The following KCNJ16 variants were observed in gnomAD, a reference collection of about 807,000 sequenced individuals.
The protein encoded by KCNJ16 is potassium inwardly rectifying channel subfamily J member 16.
KCNJ16 carries 15 observed loss-of-function variants against 18.5 expected under a neutral mutation model. The ratio of observed to expected loss-of-function variants is 0.81; its 90% confidence interval spans 0.54 to 1.25. The LOEUF is 1.25. Among genes scored for constraint, KCNJ16 ranks in the 50% most tolerant of loss-of-function variants. The probability of loss-of-function intolerance (pLI) is 0.00; values close to 1 mark genes in which losing one functional copy is unlikely to be tolerated. For synonymous variants in KCNJ16, 174 were observed against 186.5 expected (o/e 0.93, Z 0.55); for missense variants, 523 against 525.7 (o/e 0.99, Z 0.05).
chr17:70,085,860 C>T (rs76563380), intron 1 of KCNJ16, among the ~76,000 whole-genome samples: 6,554 of 152,034 alleles, frequency 0.043, 122 homozygotes, highest in Middle Eastern at 0.061. Context: ...CCCTCAAAAT[C>T]AATAAATACA....
intron 1 of KCNJ16, among the ~76,000 whole-genome samples, chr17:70,080,691 A>G (rs928528532): frequency 2.0e-5 from 3 of 152,200 alleles, no homozygotes; most frequent in Non-Finnish European, 4.4e-5. Flanking sequence ...GCTCTGCCCC[A>G]GAAAAATATC....
intron 2 of KCNJ16, among the ~76,000 whole-genome samples, chr17:70,126,362 C>G (rs945846711): frequency 6.6e-6 from 1 of 152,168 alleles, no homozygotes; most frequent in African/African-American, 2.4e-5. Flanking sequence ...CCCAGCAGGT[C>G]TGAGCTTCAT....
chr17:70,091,277 T>C (rs939178635), intron 1 of KCNJ16, among the ~76,000 whole-genome samples: 1 of 152,164 alleles, frequency 6.6e-6, no homozygotes, highest in Non-Finnish European at 1.5e-5. Flanking sequence ...TAAAATAAAA[T>C]TGAAGTCAAA....
intron 1 of KCNJ16, among the ~76,000 whole-genome samples, chr17:70,080,208 T>C (rs887024527): frequency 6.6e-6 from 1 of 152,208 alleles, no homozygotes; most frequent in Non-Finnish European, 1.5e-5. Context: ...CATGTTTTCA[T>C]GTAGTTCATA....
At chr17:70,088,173 C>T (rs944664820) in intron 1 of KCNJ16, among the ~76,000 whole-genome samples, 2 of 152,118 alleles carry the variant, frequency 1.3e-5, no homozygotes, top group African/African-American at 4.8e-5. Context: ...CGGTTTCCAA[C>T]CCTTTTGGCA....
intron 1 of KCNJ16, among the ~76,000 whole-genome samples, chr17:70,076,820 T>C (rs979588585): frequency 6.6e-6 from 1 of 152,126 alleles, no homozygotes; most frequent in African/African-American, 2.4e-5. Flanking sequence ...TAAAGGGCAT[T>C]GAAAGTAAAT....
chr17:70,124,898 T>TGTGTGTGTGTG (rs2073797302), intron 2 of KCNJ16, among the ~76,000 whole-genome samples: 6 of 151,214 alleles, frequency 4.0e-5, no homozygotes, highest in African/African-American at 1.5e-4. Flanking sequence ...GGGTGTGTGT[T>TGTGTGTGTGTG]TGTGTGTGTG....
At chr17:70,111,591 C>G (rs1304779884) in intron 2 of KCNJ16, among the ~76,000 whole-genome samples, 2 of 152,038 alleles carry the variant, frequency 1.3e-5, no homozygotes, top group East Asian at 3.9e-4. Flanking sequence ...GGTACATATG[C>G]TCGCAGACAG....
intron 2 of KCNJ16, among the ~76,000 whole-genome samples, chr17:70,102,898 G>A (rs1332754450): frequency 6.6e-6 from 1 of 151,952 alleles, no homozygotes; most frequent in Admixed American, 6.6e-5. Flanking sequence ...CTGACTGATT[G>A]TTAATATCTA....
chr17:70,111,466 C>T (rs543286464), intron 2 of KCNJ16, among the ~76,000 whole-genome samples: 10 of 152,204 alleles, frequency 6.6e-5, no homozygotes, highest in Admixed American at 3.3e-4. Context: ...TTGTACCACG[C>T]TGAATACTTG....
intron 2 of KCNJ16, among the ~76,000 whole-genome samples, chr17:70,116,430 A>G (rs185008892): frequency 6.6e-6 from 1 of 152,304 alleles, no homozygotes; most frequent in Admixed American, 6.5e-5. Context: ...ATTTCTTTAG[A>G]AAAAAATTGC....
At chr17:70,077,925 C>T (rs752407727) in intron 1 of KCNJ16, among the ~76,000 whole-genome samples, 1 of 152,118 alleles carries the variant, frequency 6.6e-6, no homozygotes, top group East Asian at 1.9e-4. Context: ...CTTTCCTATA[C>T]AAAGACAGTT....
Position 70,132,809 on chromosome 17 carries a change from T to C in KCNJ16, c.722T>C (p.Val241Ala), listed in dbSNP as rs2074107286. Residue 241 changes from valine to alanine, a missense_variant, in exon 4 of 4, where the codon GTC becomes GCC. Physicochemically the swap from Val to Ala is moderately conservative, Grantham distance 64 (BLOSUM62 0). Coordinates refer to ENST00000392671, the MANE Select transcript of KCNJ16 (RefSeq NM_170741.4). The stretch of plus-strand genomic sequence containing the variant: ...ATGGCATTTAAAGACCTCAAATTAG[T>C]CAACGACCAAATCATCCTGGTCACC... ...MTMAFKDLKL[V>A]NDQIILVTPV... is the part of the protein sequence containing the mutation. 3 of 1,613,928 alleles carry C rather than the reference T, an allele frequency of 1.9e-6. No individual in the cohort carries two copies. The highest frequency in any genetic ancestry group is 2.5e-6 in the Non-Finnish European group (3 of 1,180,030).
At chr17:70,077,466 C>A (rs2071363437) in intron 1 of KCNJ16, among the ~76,000 whole-genome samples, 1 of 152,132 alleles carries the variant, frequency 6.6e-6, no homozygotes, top group South Asian at 2.1e-4. Context: ...TTCTGAACAT[C>A]AAGGCTGTGC....
chr17:70,087,065 CTTTT>C (rs142092333), intron 1 of KCNJ16, among the ~76,000 whole-genome samples: 1 of 140,940 alleles, frequency 7.1e-6, no homozygotes, highest in Admixed American at 7.1e-5. Flanking sequence ...CACCTAGCTA[CTTTT>C]TTTTTTTTTT....
chr17:70,116,393 G>C (rs1219428512), intron 2 of KCNJ16, among the ~76,000 whole-genome samples: 1 of 152,048 alleles, frequency 6.6e-6, no homozygotes, highest in Non-Finnish European at 1.5e-5. Flanking sequence ...CTCCAATGTA[G>C]TCGTGTCTTT....
At chr17:70,098,549 A>G (rs1218432605) in intron 1 of KCNJ16, among the ~76,000 whole-genome samples, 2 of 151,996 alleles carry the variant, frequency 1.3e-5, no homozygotes, top group Admixed American at 6.6e-5. Context: ...AAAAAAAAAA[A>G]ACCTTTATGG....
chr17:70,112,717 C>G (rs1328777371), intron 2 of KCNJ16, among the ~76,000 whole-genome samples: 1 of 151,972 alleles, frequency 6.6e-6, no homozygotes, highest in African/African-American at 2.4e-5. Flanking sequence ...TCTAATCAAC[C>G]TCAAATAAAA....
intron 2 of KCNJ16, among the ~76,000 whole-genome samples, chr17:70,107,564 G>A (rs1321807335): frequency 6.6e-6 from 1 of 152,012 alleles, no homozygotes; most frequent in African/African-American, 2.4e-5. Context: ...ATTACAGAAT[G>A]AAAATGAAAA....
Sources: gnomAD v4.1 joint callset for allele counts (sites outside exome capture counted in the v4.1 genomes callset) on GRCh38, gnomAD v4.1.1 for gene constraint, MANE v1.5 for transcripts, NCBI Gene and HGNC (gene_info 2026-07-23, HGNC 2026-07-21) for gene names.